Variants in TAFA4 observed in about 807,000 individuals in gnomAD.
The protein encoded by TAFA4 is TAFA chemokine like family member 4, also known as chemokine-like protein TAFA-4.
In TAFA4, 20 loss-of-function variants were observed where a neutral mutation model predicts 21.1. The observed-to-expected ratio is 0.95, with a 90% confidence interval of 0.67 to 1.38. TAFA4 has a LOEUF of 1.38. Ranked by LOEUF, TAFA4 falls within the 40% of genes most tolerant of loss-of-function variation. TAFA4 has a pLI of 0.00. For missense variants in TAFA4, 211 were observed against 180.9 expected, an observed-to-expected ratio of 1.17 and a Z score of -0.95; for synonymous variants, 71 against 67.4, an observed-to-expected ratio of 1.05 and a Z score of -0.26.
intron 4 of TAFA4, among the ~76,000 whole-genome samples, chr3:68,745,509 C>T (rs549724951): frequency 6.6e-6 from 1 of 152,212 alleles, no homozygotes; most frequent in South Asian, 2.1e-4. Flanking sequence ...AATGAATTTC[C>T]AGTTTTATGC....
chr3:68,775,654 T>C (rs1703034906), intron 3 of TAFA4, among the ~76,000 whole-genome samples: 1 of 152,124 alleles, frequency 6.6e-6, no homozygotes, highest in Non-Finnish European at 1.5e-5. Context: ...CTTAAAAATG[T>C]ACTCTGGTAA....
Position 68,732,261 on chromosome 3 carries a change from C to G in TAFA4, c.*881G>C, listed in dbSNP as rs977247224. On this transcript the variant is annotated 3_prime_UTR_variant, in exon 6 of 6. Coordinates refer to ENST00000295569, the MANE Select transcript of TAFA4 (RefSeq NM_182522.5). ...TCTAAAAATTCAGCACTGAAAGACTCCTGTCTCGGAGTTAAAATCTTTTCA... is the reference window on the plus strand; with the variant it reads ...TCTAAAAATTCAGCACTGAAAGACTGCTGTCTCGGAGTTAAAATCTTTTCA... The G allele has an allele frequency of 6.6e-6, 1 of 152,500 alleles. No individual in the cohort carries two copies. The highest frequency in any genetic ancestry group is 1.5e-5 in the Non-Finnish European group (1 of 68,008). The allele number at this position is 152,500 out of a possible 1,614,324, so 9.4% of individuals were successfully genotyped here. A position where few individuals can be genotyped will look rare whatever the true frequency, so the allele number is the denominator to read the frequency against.
intron 4 of TAFA4, among the ~76,000 whole-genome samples, chr3:68,749,630 A>G (rs750641026): frequency 4.6e-5 from 7 of 152,242 alleles, no homozygotes; most frequent in African/African-American, 7.2e-5. Context: ...TACACTTCTC[A>G]GTGACTTTGA....
At chr3:68,783,077 T>A (rs1575606522) in intron 3 of TAFA4, among the ~76,000 whole-genome samples, 1 of 152,120 alleles carries the variant, frequency 6.6e-6, no homozygotes, top group East Asian at 1.9e-4. Flanking sequence ...AAATTCAACA[T>A]CCATTCATAA....
At chr3:68,916,988 G>GA (rs1353877276) in intron 1 of TAFA4, among the ~76,000 whole-genome samples, 1 of 152,206 alleles carries the variant, frequency 6.6e-6, no homozygotes, top group African/African-American at 2.4e-5. Flanking sequence ...TGTCTTACTA[G>GA]AAATCAGGGT....
chr3:68,791,584 AC>A (rs1399583985), intron 3 of TAFA4, among the ~76,000 whole-genome samples: 1 of 152,240 alleles, frequency 6.6e-6, no homozygotes, highest in Non-Finnish European at 1.5e-5. Context: ...GCAGCAGAGG[AC>A]TATATTTCTC....
At chr3:68,789,392 TAA>T (rs1159036954) in intron 3 of TAFA4, among the ~76,000 whole-genome samples, 1 of 152,170 alleles carries the variant, frequency 6.6e-6, no homozygotes, top group African/African-American at 2.4e-5. Context: ...CAAAGTTTGC[TAA>T]GAGAGTAGAT....
At chr3:68,812,666 T>C (rs905925246) in intron 3 of TAFA4, among the ~76,000 whole-genome samples, 3 of 152,110 alleles carry the variant, frequency 2.0e-5, no homozygotes, top group African/African-American at 7.2e-5. Flanking sequence ...AGCACCCAGA[T>C]TCATAAAGCA....
chr3:68,771,544 A>G lies in TAFA4; in HGVS notation c.131-18526T>C, dbSNP rs1184217953. Among the ~76,000 whole-genome samples, 3 of 152,378 alleles carry G rather than the reference A, an allele frequency of 2.0e-5. No individual in the cohort carries two copies. The East Asian group carries it at 5.8e-4, about 29-fold the overall frequency. ...AAGGGAACACTCCCATCTCATTACT[A>G]TGGAACTAGGAGTAAACATTTCCAG... On this transcript the variant is annotated intron_variant, in intron 3 of 5. Coordinates refer to ENST00000295569, the MANE Select transcript of TAFA4 (RefSeq NM_182522.5).
chr3:68,906,663 C>T (rs1485241255), intron 1 of TAFA4, among the ~76,000 whole-genome samples: 3 of 152,052 alleles, frequency 2.0e-5, no homozygotes, highest in African/African-American at 4.8e-5. Context: ...CTTTCCAAGG[C>T]GCTGGTGTTT....
rs544610715 is a variant in TAFA4, at chr3:68,765,335, A to G, written c.131-12317T>C. 3.2e-4 allele frequency among the ~76,000 whole-genome samples: 49 copies of G among 152,326 alleles called. No individual in the cohort carries two copies. In the East Asian group the frequency reaches 4.6e-3, roughly 14 times the overall value. ...CTTGTACATTTTAAATATAAAAAGT[A>G]TATTTGTATTGTTAACATCTTCCCT... On this transcript the variant is annotated intron_variant, in intron 3 of 5. Coordinates refer to ENST00000295569, the MANE Select transcript of TAFA4 (RefSeq NM_182522.5).
At chr3:68,900,381 A>C (rs1320231889) in intron 1 of TAFA4, among the ~76,000 whole-genome samples, 1 of 151,966 alleles carries the variant, frequency 6.6e-6, no homozygotes, top group African/African-American at 2.4e-5. Context: ...GAAGCAATAT[A>C]ATTCCAATAG....
chr3:68,738,842 T>C (rs1702290263), intron 5 of TAFA4, among the ~76,000 whole-genome samples: 2 of 152,328 alleles, frequency 1.3e-5, no homozygotes, highest in South Asian at 2.1e-4. Flanking sequence ...ATGAATTTAG[T>C]AGCCCTGCCT....
chr3:68,920,246 T>C (rs187813263), intron 1 of TAFA4, among the ~76,000 whole-genome samples: 2 of 152,156 alleles, frequency 1.3e-5, no homozygotes, highest in South Asian at 4.1e-4. Flanking sequence ...ATACAAACTA[T>C]AGAATCAGAT....
chr3:68,832,002 C>T (rs1332819999), intron 3 of TAFA4, among the ~76,000 whole-genome samples: 2 of 152,132 alleles, frequency 1.3e-5, no homozygotes, highest in Non-Finnish European at 2.9e-5. Flanking sequence ...CTTCACGAAG[C>T]TCTCGTACTG....
intron 3 of TAFA4, among the ~76,000 whole-genome samples, chr3:68,852,367 T>G (rs1044497084): frequency 2.0e-5 from 3 of 152,190 alleles, no homozygotes; most frequent in Non-Finnish European, 4.4e-5. Context: ...TGGTCAGTTC[T>G]GAGCCAAGTG....
rs1415792900 is a variant in TAFA4 at position 68,739,099 on chromosome 3, A to C, written c.387T>G (p.Ser129Arg). 6.2e-7 allele frequency: 1 copy of C among 1,613,878 alleles called. No individual in the cohort carries two copies. The change falls in exon 5 of 6, where the codon AGT becomes AGG. Residue 129 changes from serine (S) to arginine (R), a missense_variant. Transcript: ENST00000295569. ...CCTTCGTAGTTTTGACTTTATTGCC[A>C]CTGCTACAGGACCAACCTGAGTAAT... ...LPDYSGWSCS[S>R]GNKVKTTKVT...
intron 5 of TAFA4, among the ~76,000 whole-genome samples, chr3:68,734,294 T>A (rs1178298502): frequency 1.3e-5 from 2 of 152,178 alleles, no homozygotes; most frequent in Admixed American, 6.6e-5. Flanking sequence ...AGGGCTGGAT[T>A]TGGCCTGTAA....
intron 4 of TAFA4, among the ~76,000 whole-genome samples, chr3:68,740,621 A>G (rs1176939051): frequency 1.3e-5 from 2 of 152,002 alleles, no homozygotes; most frequent in Non-Finnish European, 2.9e-5. Flanking sequence ...GCTTGCAAAT[A>G]TTTTCTACCA....
Sources: allele counts gnomAD v4.1 joint callset (sites outside exome capture counted in the v4.1 genomes callset), GRCh38; gene constraint gnomAD v4.1.1; transcripts MANE v1.5; gene names NCBI Gene and HGNC (gene_info 2026-07-23, HGNC 2026-07-21).